The following ZNF844 variants were observed in gnomAD, a reference collection of about 807,000 sequenced individuals.
The protein encoded by ZNF844 is zinc finger protein 844.
ZNF844 carries 11 observed loss-of-function variants against 11.4 expected under a neutral mutation model. That is an observed-to-expected ratio of 0.97 (90% CI 0.61 to 1.60). The LOEUF (loss-of-function observed/expected upper bound fraction) is 1.60, where lower values mean the gene tolerates loss of function less well. Ranked by LOEUF, ZNF844 falls within the 40% of genes most tolerant of loss-of-function variation. The probability of loss-of-function intolerance (pLI) is 0.00; values close to 1 mark genes in which losing one functional copy is unlikely to be tolerated. For missense variants in ZNF844, 790 were observed against 796.8 expected (o/e 0.99, Z 0.10); for synonymous variants, 248 against 260.3 (o/e 0.95, Z 0.46).
Position 12,077,832 on chromosome 19 carries a change from T to C in ZNF844, c.*711T>C. On this transcript the variant is annotated 3_prime_UTR_variant, in exon 4 of 4. Transcript: ENST00000439326. ...TGCATACTAACATGTTATTCTGTAT[T>C]TTTTTTTTCTTTTTGAGACAGAGTC... The C allele has an allele frequency of 3.5e-6, 1 of 287,896 alleles. No homozygotes were observed. Among genetic ancestry groups the C allele is most frequent in the South Asian group, 3.3e-5 (1 of 30,554 alleles). 17.8% of individuals were successfully genotyped at this position (287,896 alleles called of 1,614,324 possible).
rs1975863015 is a variant in ZNF844 at position 12,078,997 on chromosome 19, CCGCCA to C, written c.*1878_*1882del. The C allele has an allele frequency of 6.6e-6, 1 of 152,100 alleles. No individual in the cohort carries two copies. Among genetic ancestry groups the C allele is most frequent in the Non-Finnish European group, 1.5e-5 (1 of 68,068 alleles). 9.4% of individuals were successfully genotyped at this position (152,100 alleles called of 1,614,324 possible). A position where few individuals can be genotyped will look rare whatever the true frequency, so the allele number is the denominator to read the frequency against. On this transcript the variant is annotated 3_prime_UTR_variant, in exon 4 of 4. Coordinates refer to ENST00000439326, the MANE Select transcript of ZNF844 (RefSeq NM_001136501.3). ...CCCAAGTAGCTGGGATTACAGGTGA[CCGCCA>C]CCACGCCCAGCTAATTTTTGTATTT...
At chr19:12,071,992 G>A (rs529182884) in intron 1 of ZNF844, among the ~76,000 whole-genome samples, 5 of 150,956 alleles carry the variant, frequency 3.3e-5, no homozygotes, top group African/African-American at 4.9e-5. Flanking sequence ...GGTTCAAGCT[G>A]TTCTCTGCCT....
At chr19:12,068,863 G>C (rs73514829) in intron 1 of ZNF844, among the ~76,000 whole-genome samples, 2,214 of 152,234 alleles carry the variant, frequency 0.015, 58 homozygotes, top group African/African-American at 0.051. Flanking sequence ...AATCAGACCT[G>C]AGCCCAGTGA....
Position 12,078,104 on chromosome 19 carries a change from C to A in ZNF844, c.*983C>A, listed in dbSNP as rs1224778548. The stretch of plus-strand genomic sequence containing the variant: ...TCAGTCTCCCAAAGTGCTGGGATTA[C>A]AGGTATGAGCCACCGTGCCCGGCCG... On this transcript the variant is annotated 3_prime_UTR_variant, in exon 4 of 4. Transcript: ENST00000439326. 3 of 155,064 alleles carry A rather than the reference C, an allele frequency of 1.9e-5. No individual in the cohort carries two copies. The highest frequency in any genetic ancestry group is 2.8e-5 in the Non-Finnish European group (2 of 70,594). 9.6% of individuals were successfully genotyped at this position (155,064 alleles called of 1,614,324 possible). A position where few individuals can be genotyped will look rare whatever the true frequency, so the allele number is the denominator to read the frequency against.
chr19:12,073,419 G>A (rs898278912), intron 1 of ZNF844, among the ~76,000 whole-genome samples: 2 of 152,204 alleles, frequency 1.3e-5, no homozygotes, highest in East Asian at 3.9e-4. Context: ...GCCTTCCAAA[G>A]TCCTGGGATT....
At position 12,077,310 on chromosome 19, in the gene ZNF844, T is replaced by A. The variant is rs909058185; in HGVS notation, c.*189T>A. On this transcript the variant is annotated 3_prime_UTR_variant, in exon 4 of 4. Coordinates refer to ENST00000439326, the MANE Select transcript of ZNF844 (RefSeq NM_001136501.3). ...AGAGAAACCCTATGAGTGTAAGCAATGTGGAAAAGCCTTTATTTCTTTCAG... is the reference window on the plus strand; with the variant it reads ...AGAGAAACCCTATGAGTGTAAGCAAAGTGGAAAAGCCTTTATTTCTTTCAG... 6 of 1,087,064 alleles carry A rather than the reference T, an allele frequency of 5.5e-6. No individual in the cohort carries two copies. The highest frequency in any genetic ancestry group is 7.1e-6 in the Non-Finnish European group (5 of 706,810). 67.3% of individuals were successfully genotyped at this position (1,087,064 alleles called of 1,614,324 possible).
rs1164407713 is a variant in ZNF844, at chr19:12,078,319, G to T, written c.*1198G>T. 6.6e-6 allele frequency: 1 copy of T among 152,032 alleles called. No individual in the cohort carries two copies. Among genetic ancestry groups the T allele is most frequent in the Non-Finnish European group, 1.5e-5 (1 of 68,080 alleles). 9.4% of individuals were successfully genotyped at this position (152,032 alleles called of 1,614,324 possible). On this transcript the variant is annotated 3_prime_UTR_variant, in exon 4 of 4. Coordinates refer to ENST00000439326, the MANE Select transcript of ZNF844 (RefSeq NM_001136501.3). The stretch of plus-strand genomic sequence containing the variant: ...TTTTTATATTTTTAGTAGAGATGAG[G>T]TCTCACCCTATTGGCCACACTGGTC...
intron 1 of ZNF844, among the ~76,000 whole-genome samples, chr19:12,069,287 A>C (rs1289237526): frequency 6.7e-6 from 1 of 149,542 alleles, no homozygotes; most frequent in Non-Finnish European, 1.5e-5. Context: ...GGTTCAAGCA[A>C]TTCTCCTGTC....
chr19:12,072,945 A>G (rs1299193442), intron 1 of ZNF844, among the ~76,000 whole-genome samples: 1 of 152,072 alleles, frequency 6.6e-6, no homozygotes, highest in African/African-American at 2.4e-5. Context: ...GAATATTGAG[A>G]CTTTTCCAGA....
At chr19:12,067,013 T>A (rs1975696495) in intron 1 of ZNF844, among the ~76,000 whole-genome samples, 1 of 152,118 alleles carries the variant, frequency 6.6e-6, no homozygotes, top group Non-Finnish European at 1.5e-5. Context: ...AATAAAATAA[T>A]ATTGTCAACT....
In ZNF844 at chr19:12,074,425, A is replaced by G; in HGVS notation, c.191+4A>G. On this transcript the variant is annotated splice_donor_region_variant and intron_variant, in intron 3 of 3. Transcript: ENST00000439326. ...AAAATCCCAGGAATAATCTAAGGTG[A>G]TTTAAACTCACGAGACAAAGCAATG... The G allele has an allele frequency of 6.5e-7, 1 of 1,531,186 alleles. No individual in the cohort carries two copies. Among genetic ancestry groups the G allele is most frequent in the Non-Finnish European group, 8.8e-7 (1 of 1,138,428 alleles). The allele number at this position is 1,531,186 out of a possible 1,614,324, so 94.8% of individuals were successfully genotyped here. A position where few individuals can be genotyped will look rare whatever the true frequency, so the allele number is the denominator to read the frequency against.
Position 12,076,233 on chromosome 19 carries a change from G to T in ZNF844, c.1113G>T (p.Lys371Asn), listed in dbSNP as rs753521290. 6.8e-6 allele frequency: 11 copies of T among 1,606,294 alleles called. No homozygotes were observed. Among genetic ancestry groups the T allele is most frequent in the Non-Finnish European group, 9.4e-6 (11 of 1,176,318 alleles). Residue 371 changes from lysine (K) to asparagine (N), a missense_variant, in exon 4 of 4, where the codon AAG becomes AAT. By Grantham distance (94) the Lys-to-Asn change is moderately conservative. Around this residue, in one of 3 missense-constraint regions of ZNF844, gnomAD observed 657 missense variants for 636.2 expected, o/e 1.03. Transcript: ENST00000439326. ...CTTATAAATGTAAGACTGTGGAAAA[G>T]CCTTTGATTCTCCCAGTTCGTTTTG... Reference protein sequence around the residue: ...MRPYKCKTVEKPLILPVRFED... With the variant: ...MRPYKCKTVENPLILPVRFED...
intron 1 of ZNF844, among the ~76,000 whole-genome samples, chr19:12,069,470 C>T (rs1273991225): frequency 6.6e-6 from 1 of 151,316 alleles, no homozygotes; most frequent in Non-Finnish European, 1.5e-5. Context: ...CAGGGGTGAG[C>T]CATCGCGCCC....
intron 1 of ZNF844, among the ~76,000 whole-genome samples, chr19:12,067,098 G>A (rs1975697444): frequency 6.6e-6 from 1 of 152,112 alleles, no homozygotes; most frequent in Non-Finnish European, 1.5e-5. Flanking sequence ...TACTCCGGAG[G>A]CTGAGGCAGG....
rs1057289985 is a variant in ZNF844, at chr19:12,079,759, A to G, written c.*2638A>G. On this transcript the variant is annotated 3_prime_UTR_variant, in exon 4 of 4. Transcript: ENST00000439326. ...CAGGAGTTCGAGACCAGCCTGGCTA[A>G]CATGGCAAAACCCCATCGCTACTAA... 1 of 152,116 alleles carries G rather than the reference A, an allele frequency of 6.6e-6. No individual in the cohort carries two copies. Among genetic ancestry groups the G allele is most frequent in the African/African-American group, 2.4e-5 (1 of 41,298 alleles). 9.4% of individuals were successfully genotyped at this position (152,116 alleles called of 1,614,324 possible).
chr19:12,067,127 G>T (rs1975697818), intron 1 of ZNF844, among the ~76,000 whole-genome samples: 2 of 152,040 alleles, frequency 1.3e-5, no homozygotes, highest in South Asian at 4.2e-4. Context: ...TTGAACCCGG[G>T]AGGTGGAGTT....
chr19:12,066,177 C>T (rs1975685142), intron 1 of ZNF844, among the ~76,000 whole-genome samples: 1 of 152,030 alleles, frequency 6.6e-6, no homozygotes, highest in African/African-American at 2.4e-5. Context: ...CTGCTCACCT[C>T]GGCCCCCCAA....
At chr19:12,069,185 T>G (rs1243432146) in intron 1 of ZNF844, among the ~76,000 whole-genome samples, 2 of 145,436 alleles carry the variant, frequency 1.4e-5, no homozygotes, top group African/African-American at 5.1e-5. Flanking sequence ...ATTCCTTTTT[T>G]TTTTTTTTTT....
At position 12,076,952 on chromosome 19, in the gene ZNF844, G is replaced by T. The variant is rs775727744; in HGVS notation, c.1832G>T (p.Arg611Ile). 6.2e-7 allele frequency: 1 copy of T among 1,602,486 alleles called. No individual in the cohort carries two copies. The highest frequency in any genetic ancestry group is 8.5e-7 in the Non-Finnish European group (1 of 1,174,200). ...FEYMQEHTLERNPMNVRNAEK... is the reference protein window; with the variant it reads ...FEYMQEHTLEINPMNVRNAEK... ...TACATGCAAGAACACACCCTGGAGA[G>T]AAACCCTATGAATGTAAGGAATGCG... is the stretch of plus-strand genomic sequence containing the variant. Residue 611 changes from arginine to isoleucine, a missense_variant, in exon 4 of 4, where the codon AGA (arginine) becomes ATA (isoleucine). Arg to Ile is a moderately conservative substitution (Grantham distance 97). Coordinates refer to ENST00000439326, the MANE Select transcript of ZNF844 (RefSeq NM_001136501.3).
Sources: gnomAD v4.1 joint callset for allele counts (sites outside exome capture counted in the v4.1 genomes callset) on GRCh38, gnomAD v4.1.1 for gene constraint, gnomAD v4.1.1 regional missense constraint, MANE v1.5 for transcripts, NCBI Gene and HGNC (gene_info 2026-07-23, HGNC 2026-07-21) for gene names.